The following TNKS variants were observed in gnomAD, a reference collection of about 807,000 sequenced individuals.
TNKS encodes tankyrase, also known as poly [ADP-ribose] polymerase tankyrase-1.
Under a neutral mutation model 135.8 loss-of-function variants are expected in TNKS, and 72 were observed. The observed-to-expected ratio is 0.53, with a 90% CI of 0.44 to 0.64. The LOEUF (loss-of-function observed/expected upper bound fraction) is 0.64. TNKS is among the 30% of genes least tolerant of loss of function. The pLI is 0.00. For synonymous variants in TNKS, 849 were observed against 649.3 expected, an observed-to-expected ratio of 1.31 and a Z score of -4.68; for missense variants, 1,769 against 1,674.0, an observed-to-expected ratio of 1.06 and a Z score of -0.99.
intron 26 of TNKS, among the ~76,000 whole-genome samples, chr8:9,771,576 G>C (rs868525759): frequency 2.2e-5 from 3 of 135,146 alleles, no homozygotes; most frequent in Non-Finnish European, 4.7e-5. Flanking sequence ...AGAGAGGAAG[G>C]AAGAGAGAAA....
chr8:9,620,215 G>T (rs977592884), intron 3 of TNKS, among the ~76,000 whole-genome samples: 1 of 152,096 alleles, frequency 6.6e-6, no homozygotes, highest in East Asian at 1.9e-4. Flanking sequence ...CCAAAGTGCC[G>T]GGATTACAGG....
intron 3 of TNKS, among the ~76,000 whole-genome samples, chr8:9,635,151 C>G (rs1474490503): frequency 6.8e-6 from 1 of 147,038 alleles, no homozygotes; most frequent in African/African-American, 2.5e-5. Context: ...GCCTGGACGA[C>G]AGAGCGAGAC....
At chr8:9,583,031 G>A (rs900825612) in intron 2 of TNKS, among the ~76,000 whole-genome samples, 10 of 151,890 alleles carry the variant, frequency 6.6e-5, no homozygotes, top group Non-Finnish European at 1.5e-4. Flanking sequence ...GCTGGGTGTG[G>A]TGGCGGGCAC....
chr8:9,697,093 A>G (rs569153828), intron 5 of TNKS, among the ~76,000 whole-genome samples: 31 of 152,324 alleles, frequency 2.0e-4, no homozygotes, highest in African/African-American at 7.0e-4. Flanking sequence ...CACTGATACA[A>G]AAAACAGACA....
chr8:9,709,205 C>A (rs1041763976), intron 9 of TNKS, among the ~76,000 whole-genome samples: 8 of 152,022 alleles, frequency 5.3e-5, no homozygotes, highest in African/African-American at 1.9e-4. Flanking sequence ...CATAAAACAA[C>A]ATTAAAGGAT....
intron 3 of TNKS, among the ~76,000 whole-genome samples, chr8:9,673,620 G>A (rs28711551): frequency 0.15 from 22,440 of 151,390 alleles, 1,840 homozygotes; most frequent in Admixed American, 0.24. Flanking sequence ...ATTTTTTTGT[G>A]TTTTTAGTAG....
intron 3 of TNKS, among the ~76,000 whole-genome samples, chr8:9,647,110 C>T (rs1250260466): frequency 6.6e-6 from 1 of 152,134 alleles, no homozygotes; most frequent in African/African-American, 2.4e-5. Context: ...GAAAAAACCT[C>T]CAGCTTTGTT....
intron 26 of TNKS, 76 bp downstream of exon 26, chr8:9,770,338 G>C: frequency 2.1e-6 from 3 of 1,442,678 alleles, no homozygotes; most frequent in Non-Finnish European, 2.8e-6. Context: ...TAAGACTTGA[G>C]ACACTTTTCA....
chr8:9,619,874 A>G (rs529181435), intron 3 of TNKS, among the ~76,000 whole-genome samples: 1 of 151,682 alleles, frequency 6.6e-6, no homozygotes, highest in East Asian at 1.9e-4. Context: ...GAGGACTTAA[A>G]TGCTCTGTAC....
intron 3 of TNKS, among the ~76,000 whole-genome samples, chr8:9,622,903 G>GA (rs1799918296): frequency 6.6e-6 from 1 of 152,132 alleles, no homozygotes; most frequent in Admixed American, 6.5e-5. Flanking sequence ...AGATAGTACT[G>GA]AACCCTGTAC....
chr8:9,670,497 C>A (rs1802226218), intron 3 of TNKS, among the ~76,000 whole-genome samples: 1 of 152,086 alleles, frequency 6.6e-6, no homozygotes. Context: ...TGTGTAGTTT[C>A]TTCTTATTTT....
At chr8:9,685,152 A>T (rs949506428) in intron 5 of TNKS, among the ~76,000 whole-genome samples, 2 of 152,172 alleles carry the variant, frequency 1.3e-5, no homozygotes, top group Non-Finnish European at 2.9e-5. Flanking sequence ...AGAAAAGTAA[A>T]GTGTTTGAAA....
At position 9,767,283 on chromosome 8, in the gene TNKS, G is replaced by A. The variant is rs116836193; in HGVS notation, c.3740+858G>A. On this transcript the variant is annotated intron_variant, in intron 25 of 26. Coordinates refer to ENST00000310430, the MANE Select transcript of TNKS (RefSeq NM_003747.3). ...AACTCAAAAATTGGAGAGAATAATG[G>A]TATAATCTCTGTGATGTCAGTGGCG... 3.8e-3 allele frequency among the ~76,000 whole-genome samples: 571 copies of A among 152,222 alleles called. 6 individuals are homozygous for A. The highest frequency in any genetic ancestry group is 0.013 in the African/African-American group (546 of 41,540).
intron 3 of TNKS, among the ~76,000 whole-genome samples, chr8:9,653,300 C>G (rs1357166148): frequency 6.6e-6 from 1 of 152,086 alleles, no homozygotes; most frequent in Non-Finnish European, 1.5e-5. Context: ...GATCTGGGGA[C>G]TCAAACTGTA....
intron 3 of TNKS, among the ~76,000 whole-genome samples, chr8:9,636,474 A>G (rs1338143169): frequency 6.6e-6 from 1 of 151,992 alleles, no homozygotes; most frequent in African/African-American, 2.4e-5. Context: ...TTCTAACTGC[A>G]TTGATGGTCT....
intron 26 of TNKS, among the ~76,000 whole-genome samples, chr8:9,776,082 A>G (rs1808213443): frequency 6.6e-6 from 1 of 152,024 alleles, no homozygotes; most frequent in African/African-American, 2.4e-5. Context: ...GAGAATATGA[A>G]GGAGGCCAGT....
chr8:9,706,579 T>C (rs541197922), intron 7 of TNKS, among the ~76,000 whole-genome samples: 23 of 152,342 alleles, frequency 1.5e-4, no homozygotes, highest in Admixed American at 7.8e-4. Context: ...CCCAGTCTTG[T>C]TTTTTTAGAT....
At chr8:9,753,752 G>T (rs1458592280) in intron 20 of TNKS, among the ~76,000 whole-genome samples, 2 of 152,166 alleles carry the variant, frequency 1.3e-5, no homozygotes, top group Non-Finnish European at 2.9e-5. Context: ...AAGATATCTT[G>T]TTACAATTTG....
In TNKS at chr8:9,710,170, G is replaced by T; in HGVS notation, c.1699G>T (p.Glu567Ter). 6.2e-7 allele frequency: 1 copy of T among 1,614,138 alleles called. No homozygotes were observed. The highest frequency in any genetic ancestry group is 8.5e-7 in the Non-Finnish European group (1 of 1,180,014). The change falls in exon 11 of 27, where the codon GAA becomes TAA. Residue 567 changes from glutamate to a stop codon, truncating the protein, a stop_gained. Transcript: ENST00000310430. LOFTEE classifies it high-confidence loss of function. ...CATGACTCCCCTGCATGTTGCAGCC[G>T]AAAGAGCCCATAATGATGTCATGGA... ...DFMTPLHVAA[E>*]RAHNDVMEVL...
Sources: gnomAD v4.1 joint callset for allele counts (sites outside exome capture counted in the v4.1 genomes callset) on GRCh38, gnomAD v4.1.1 for gene constraint, MANE v1.5 for transcripts, NCBI Gene and HGNC (gene_info 2026-07-23, HGNC 2026-07-21) for gene names.